SPTBN1: variants seen among roughly 807,000 people sequenced by gnomAD.
SPTBN1 encodes spectrin beta chain, non-erythrocytic 1.
SPTBN1 carries 32 observed loss-of-function variants against 266.4 expected under a neutral mutation model. The ratio of observed to expected loss-of-function variants is 0.12; its 90% CI spans 0.09 to 0.16. The LOEUF is 0.16. Among genes scored for constraint, SPTBN1 ranks in the 10% least tolerant of loss-of-function variants. SPTBN1 has a pLI of 1.00. For missense variants in SPTBN1, 2,296 were observed against 3,067.1 expected (o/e 0.75, Z 5.94); for synonymous variants, 1,336 against 1,162.2 (o/e 1.15, Z -3.04).
At chr2:54,459,718 T>G (rs180945065) in intron 1 of SPTBN1, among the ~76,000 whole-genome samples, 88 of 152,342 alleles carry the variant, frequency 5.8e-4, no homozygotes, top group African/African-American at 2.0e-3. Context: ...ACTACATTAT[T>G]GGAAATGCAA....
At chr2:54,496,466 A>G (rs974390875) in intron 1 of SPTBN1, among the ~76,000 whole-genome samples, 7 of 150,290 alleles carry the variant, frequency 4.7e-5, no homozygotes, top group Non-Finnish European at 7.4e-5. Context: ...AAAAGTATGA[A>G]TAACAGTAAC....
rs1037370368 is a variant in SPTBN1 at position 54,540,409 on chromosome 2, C to G, written c.148+13843C>G. Among the ~76,000 whole-genome samples, 2 of 152,190 alleles carry G rather than the reference C, an allele frequency of 1.3e-5. No individual in the cohort carries two copies. Among genetic ancestry groups the G allele is most frequent in the African/African-American group, 4.8e-5 (2 of 41,446 alleles). On this transcript the variant is annotated intron_variant, in intron 2 of 35. Transcript: ENST00000356805. The surrounding 1 kb of genome is among the most constrained non-coding windows in gnomAD (Gnocchi z 5.6). ...CATTGTTTGCTAGCTTAGTAGAAGCCATTACACAGTGACTCACACGTCCTT... is the reference window on the plus strand; with the variant it reads ...CATTGTTTGCTAGCTTAGTAGAAGCGATTACACAGTGACTCACACGTCCTT...
chr2:54,643,372 AT>A (rs1679705291), intron 19 of SPTBN1, among the ~76,000 whole-genome samples: 1 of 152,228 alleles, frequency 6.6e-6, no homozygotes, highest in South Asian at 2.1e-4. Flanking sequence ...AATACTAGGC[AT>A]TTAGTTTCTG....
intron 32 of SPTBN1, chr2:54,662,700 T>G (rs1681127373): frequency 6.6e-6 from 1 of 152,246 alleles, no homozygotes; most frequent in Non-Finnish European, 1.5e-5. Context: ...AGAGAAGATT[T>G]GTCACCTTTA....
At chr2:54,556,235 C>T (rs1386315751) in intron 2 of SPTBN1, among the ~76,000 whole-genome samples, 2 of 152,216 alleles carry the variant, frequency 1.3e-5, no homozygotes, top group East Asian at 3.8e-4. Context: ...CAAATGGATT[C>T]CCATTTCTTA....
In SPTBN1 at chr2:54,625,157, T is replaced by C. The variant is rs114810875; in HGVS notation, c.1341+195T>C. 9.6e-3 allele frequency among the ~76,000 whole-genome samples: 1,469 copies of C among 152,318 alleles called. 25 individuals are homozygous for C. The highest frequency in any genetic ancestry group is 0.032 in the African/African-American group (1,345 of 41,582). ...TATACATTTCTATTTATCTAACTTT[T>C]CATAGATTTGGAAGCAGCTCAAGCA... On this transcript the variant is annotated intron_variant, in intron 11 of 35. Transcript: ENST00000356805.
Position 54,664,208 on chromosome 2 carries a change from T to G in SPTBN1, c.6421-245T>G. 2.1e-6 allele frequency: 1 copy of G among 473,852 alleles called. No individual in the cohort carries two copies. The highest frequency in any genetic ancestry group is 3.8e-6 in the Non-Finnish European group (1 of 265,298). The allele number at this position is 473,852 out of a possible 1,614,324, so 29.4% of individuals were successfully genotyped here. ...ATATTTATTGATCAGAGGAATAGAG[T>G]GCAGTAAAACTCATACTGGCATTTC... On this transcript the variant is annotated intron_variant, in intron 32 of 35. Transcript: ENST00000356805. The surrounding 1 kb of genome is among the most constrained non-coding windows in gnomAD (Gnocchi z 5.6).
intron 1 of SPTBN1, among the ~76,000 whole-genome samples, chr2:54,491,789 C>T (rs1055730177): frequency 2.6e-5 from 4 of 152,018 alleles, no homozygotes; most frequent in Non-Finnish European, 5.9e-5. Flanking sequence ...TTGGTAGAGA[C>T]GAGGTCTCGC....
At chr2:54,500,284 A>G (rs1353570357) in intron 1 of SPTBN1, among the ~76,000 whole-genome samples, 1 of 152,246 alleles carries the variant, frequency 6.6e-6, no homozygotes, top group Non-Finnish European at 1.5e-5. Flanking sequence ...AATTTTAGAG[A>G]TGAATGGAAA....
intron 32 of SPTBN1, chr2:54,662,551 C>G (rs1681114631): frequency 6.4e-6 from 1 of 156,194 alleles, no homozygotes; most frequent in Admixed American, 6.5e-5. Context: ...GCTTTCAAGT[C>G]AAACCTGCAG....
At chr2:54,524,508 T>G (rs1670679606) in intron 1 of SPTBN1, among the ~76,000 whole-genome samples, 1 of 152,050 alleles carries the variant, frequency 6.6e-6, no homozygotes. Flanking sequence ...TCTAAGCACA[T>G]CCACCTCTTA....
intron 18 of SPTBN1, among the ~76,000 whole-genome samples, chr2:54,642,442 G>A (rs1016189900): frequency 6.6e-6 from 1 of 151,922 alleles, no homozygotes; most frequent in Non-Finnish European, 1.5e-5. Flanking sequence ...CATGATTGTT[G>A]CCTTAGCCCT....
At chr2:54,596,532 TTCC>T (rs1676104304) in intron 2 of SPTBN1, among the ~76,000 whole-genome samples, 1 of 152,292 alleles carries the variant, frequency 6.6e-6, no homozygotes, top group East Asian at 1.9e-4. Flanking sequence ...TCTGTGTCTT[TTCC>T]AACGTGGGGG....
In SPTBN1 at chr2:54,629,150, C is replaced by T. The variant is rs762355293; in HGVS notation, c.2016C>T (p.Ser672=). The T allele has an allele frequency of 8.7e-6, 14 of 1,613,564 alleles. No homozygotes were observed. The highest frequency in any genetic ancestry group is 2.2e-5 in the South Asian group (2 of 91,084). Residue 672 remains serine (S), a synonymous_variant, in exon 14 of 36, where the codon AGC becomes AGT. Coordinates refer to ENST00000356805, the MANE Select transcript of SPTBN1 (RefSeq NM_003128.3). ...ACGATTACGGGAAAGACCTGACCAG[C>T]GTCATGCGCCTGCTCAGCAAGCACC... The part of the protein sequence containing the change: ...SSDDYGKDLT[S]VMRLLSKHRA...
intron 1 of SPTBN1, among the ~76,000 whole-genome samples, chr2:54,486,963 G>C (rs951110194): frequency 1.3e-5 from 2 of 152,034 alleles, no homozygotes; most frequent in Non-Finnish European, 2.9e-5. Flanking sequence ...AGTCATTTAC[G>C]TGAGATCATT....
intron 2 of SPTBN1, among the ~76,000 whole-genome samples, chr2:54,531,030 G>A (rs1671205932): frequency 6.6e-6 from 1 of 151,934 alleles, no homozygotes; most frequent in South Asian, 2.1e-4. Context: ...GCCCTGAGAG[G>A]ACATGGAAGC....
At chr2:54,654,984 C>G (rs912994063) in intron 27 of SPTBN1, 86 bp from the exon 28 acceptor site, 5 of 1,162,046 alleles carry the variant, frequency 4.3e-6, no homozygotes, top group African/African-American at 1.5e-5. Context: ...CCATCAGTTT[C>G]TTTCAAATTA....
intron 1 of SPTBN1, among the ~76,000 whole-genome samples, chr2:54,459,368 T>A (rs1264321217): frequency 6.6e-6 from 1 of 152,210 alleles, no homozygotes; most frequent in Non-Finnish European, 1.5e-5. Flanking sequence ...TTGTGACACA[T>A]CCTGAGCAGA....
intron 1 of SPTBN1, among the ~76,000 whole-genome samples, chr2:54,502,925 A>C (rs1033466308): frequency 1.3e-5 from 2 of 152,214 alleles, no homozygotes; most frequent in African/African-American, 4.8e-5. Flanking sequence ...CTAACAGATC[A>C]GCTAGGGTAC....
Sources: gnomAD v4.1 joint callset for allele counts (sites outside exome capture counted in the v4.1 genomes callset) on GRCh38, gnomAD v4.1.1 for gene constraint, Gnocchi (gnomAD v3.1) non-coding constraint, MANE v1.5 for transcripts, NCBI Gene and HGNC (gene_info 2026-07-23, HGNC 2026-07-21) for gene names.